MROH9: variants seen among roughly 807,000 people sequenced by gnomAD.
MROH9 encodes the protein maestro heat like repeat family member 9, also known as maestro heat-like repeat-containing protein family member 9.
A neutral mutation model predicts 98.2 loss-of-function variants in MROH9; 92 were observed. The observed-to-expected ratio is 0.94, with a 90% confidence interval of 0.79 to 1.11. MROH9 has a LOEUF of 1.11. Among genes scored for constraint, MROH9 ranks in the 50% most tolerant of loss-of-function variants. The pLI, the probability that MROH9 is intolerant of heterozygous loss-of-function variation, is 0.00. For synonymous variants in MROH9, 397 were observed against 368.9 expected (o/e 1.08, Z -0.87); for missense variants, 1,057 against 1,014.8 (o/e 1.04, Z -0.57).
chr1:170,963,135 G>GAA (rs56361336), intron 6 of MROH9, among the ~76,000 whole-genome samples: 11,820 of 141,926 alleles, frequency 0.083, 582 homozygotes, highest in Non-Finnish European at 0.11. Context: ...AAGTTTACAA[G>GAA]AAAAAAAAAA....
At chr1:171,018,471 G>T (rs1428953073) in intron 17 of MROH9, among the ~76,000 whole-genome samples, 3 of 152,060 alleles carry the variant, frequency 2.0e-5, no homozygotes, top group Admixed American at 1.3e-4. Context: ...AACGCTGAAG[G>T]CCCAAAAGGC....
intron 20 of MROH9, 44 bp from the exon 21 acceptor site, chr1:171,062,088 C>A: frequency 8.1e-7 from 1 of 1,233,518 alleles, no homozygotes; most frequent in Non-Finnish European, 1.2e-6. Context: ...AATGTATTTT[C>A]ATAATGCATG....
At chr1:170,943,928 A>G (rs1266318470) in intron 1 of MROH9, among the ~76,000 whole-genome samples, 1 of 152,082 alleles carries the variant, frequency 6.6e-6, no homozygotes, top group African/African-American at 2.4e-5. Context: ...ATGAAGGGCT[A>G]AGACATAAAG....
chr1:171,038,451 A>T (rs1338696455), intron 20 of MROH9, among the ~76,000 whole-genome samples: 1 of 152,204 alleles, frequency 6.6e-6, no homozygotes, highest in South Asian at 2.1e-4. Flanking sequence ...GGCAAAATCT[A>T]TCAAAATGTG....
chr1:170,992,054 T>C (rs1651375942), intron 11 of MROH9, 110 bp from the exon 12 acceptor site: 10 of 1,175,870 alleles, frequency 8.5e-6, no homozygotes, highest in Non-Finnish European at 1.2e-5. Flanking sequence ...TGCAGTGTCT[T>C]TGCTATATAA....
intron 5 of MROH9, among the ~76,000 whole-genome samples, chr1:170,959,997 G>A (rs139422525): frequency 9.4e-4 from 143 of 152,246 alleles, no homozygotes; most frequent in African/African-American, 3.3e-3. Context: ...AGCTAGAGAA[G>A]AAATTCATGG....
At chr1:171,022,433 A>G (rs1268958206) in intron 17 of MROH9, among the ~76,000 whole-genome samples, 1 of 152,194 alleles carries the variant, frequency 6.6e-6, no homozygotes, top group Non-Finnish European at 1.5e-5. Flanking sequence ...AGGAATGAAG[A>G]TTATGTGCTT....
intron 10 of MROH9, among the ~76,000 whole-genome samples, chr1:170,987,757 C>T (rs1044169729): frequency 3.3e-5 from 5 of 152,082 alleles, no homozygotes; most frequent in Admixed American, 1.3e-4. Context: ...AAAACTAGCT[C>T]GACTTTTAAA....
chr1:171,038,370 G>T (rs1199151606), intron 20 of MROH9, among the ~76,000 whole-genome samples: 3 of 152,168 alleles, frequency 2.0e-5, no homozygotes, highest in Non-Finnish European at 4.4e-5. Flanking sequence ...TGGCCAGGTT[G>T]CAGGAAGTGA....
intron 8 of MROH9, among the ~76,000 whole-genome samples, chr1:170,977,292 T>C (rs543418852): frequency 7.2e-5 from 11 of 152,206 alleles, no homozygotes; most frequent in Admixed American, 2.6e-4. Context: ...ATTTCAGCCA[T>C]CTGGAGGACA....
rs993312263 is a variant in MROH9, at chr1:171,016,053, C to T, written c.1735-110C>T. ...AATTTGACAAGAGATTTTCGTGAGT[C>T]GGCTTCCGCACACCATGATGTGCCG... On this transcript the variant is annotated intron_variant, in intron 16 of 21. Transcript: ENST00000367759. 2.1e-5 allele frequency: 13 copies of T among 619,750 alleles called. No individual in the cohort carries two copies. The Admixed American group carries it at 2.6e-4, about 12-fold the overall frequency. The allele number at this position is 619,750 out of a possible 1,614,324, so 38.4% of individuals were successfully genotyped here.
At chr1:171,022,841 A>C (rs999425585) in intron 17 of MROH9, among the ~76,000 whole-genome samples, 1 of 152,172 alleles carries the variant, frequency 6.6e-6, no homozygotes, top group Non-Finnish European at 1.5e-5. Context: ...TACTTGAGCT[A>C]TTTTACATAA....
At chr1:170,968,723 G>A (rs977644029) in intron 7 of MROH9, among the ~76,000 whole-genome samples, 2 of 151,920 alleles carry the variant, frequency 1.3e-5, no homozygotes, top group Non-Finnish European at 2.9e-5. Flanking sequence ...AGTCCAGCCT[G>A]GGTGACAGAG....
At chr1:171,000,153 T>A (rs916731541) in intron 15 of MROH9, among the ~76,000 whole-genome samples, 2 of 152,172 alleles carry the variant, frequency 1.3e-5, no homozygotes, top group African/African-American at 4.8e-5. Flanking sequence ...CTCTGCTGAC[T>A]ATTCCTTTTG....
intron 20 of MROH9, among the ~76,000 whole-genome samples, chr1:171,027,730 T>G (rs1449739748): frequency 1.3e-5 from 2 of 152,240 alleles, no homozygotes; most frequent in African/African-American, 4.8e-5. Flanking sequence ...TTTCTTGACT[T>G]TTTAATAATT....
At chr1:170,957,956 C>T (rs6675768) in intron 3 of MROH9, among the ~76,000 whole-genome samples, 72,248 of 151,482 alleles carry the variant, frequency 0.48, 17,891 homozygotes, top group East Asian at 0.73. Context: ...CTACAGGCGC[C>T]CGCTACCACG....
chr1:171,023,079 A>G (rs1211454388), intron 17 of MROH9, among the ~76,000 whole-genome samples: 2 of 152,184 alleles, frequency 1.3e-5, no homozygotes, highest in Non-Finnish European at 2.9e-5. Flanking sequence ...AACACTTTCC[A>G]AGACTGACAT....
rs760390055 is a variant in MROH9 at position 170,959,495 on chromosome 1, G to A, written c.186G>A (p.Gln62=). 2 of 1,612,530 alleles carry A rather than the reference G, an allele frequency of 1.2e-6. No homozygotes were observed. The highest frequency in any genetic ancestry group is 1.7e-6 in the Non-Finnish European group (2 of 1,179,380). ...ATCCCTTACTGCAGTTTGAATCTCA[G>A]TTGAAGATAATAGAGTCATCCTTTG... The part of the protein sequence containing the change: ...FVDPLLQFES[Q]LKIIESSFGM... The change falls in exon 5 of 22, where the codon CAG becomes CAA. Residue 62 remains glutamine (Q), a synonymous_variant. Transcript: ENST00000367759.
At position 170,946,484 on chromosome 1, in the gene MROH9, T is replaced by A. The variant is rs928175545; in HGVS notation, c.25+903T>A. Among the ~76,000 whole-genome samples the A allele has an allele frequency of 2.0e-5, 3 of 151,920 alleles. No homozygotes were observed. In the East Asian group the frequency reaches 5.8e-4, roughly 29 times the overall value. On this transcript the variant is annotated intron_variant, in intron 2 of 21. Transcript: ENST00000367759. ...CCAGAAAAGGATATTAGTGGAAAAA[T>A]AGGTGAAATCCAAATAAAGTCTGAA...
Sources: allele counts gnomAD v4.1 joint callset (sites outside exome capture counted in the v4.1 genomes callset), GRCh38; gene constraint gnomAD v4.1.1; transcripts MANE v1.5; gene names NCBI Gene and HGNC (gene_info 2026-07-23, HGNC 2026-07-21).